Variants in RALYL observed in about 807,000 individuals in gnomAD.
RALYL encodes RALY RNA binding protein like.
A neutral mutation model predicts 35.1 loss-of-function variants in RALYL; 29 were observed. The observed-to-expected ratio is 0.83, with a 90% confidence interval of 0.61 to 1.13. RALYL has a LOEUF of 1.13. Ranked by LOEUF, RALYL falls within the 50% of genes most tolerant of loss-of-function variation. The pLI, the probability that RALYL is intolerant of heterozygous loss-of-function variation, is 0.00. For missense variants in RALYL, 359 were observed against 360.4 expected (o/e 1.00, Z 0.03); for synonymous variants, 120 against 127.6 (o/e 0.94, Z 0.40).
At chr8:84,890,785 T>A (rs755482797) in intron 8 of RALYL, among the ~76,000 whole-genome samples, 13 of 140,240 alleles carry the variant, frequency 9.3e-5, no homozygotes, top group Non-Finnish European at 1.7e-4. Flanking sequence ...CAAAGTTGCA[T>A]TTTTGTCAGA....
intron 4 of RALYL, among the ~76,000 whole-genome samples, chr8:84,832,761 A>G (rs987923592): frequency 9.9e-5 from 15 of 152,178 alleles, no homozygotes; most frequent in Non-Finnish European, 1.8e-4. Flanking sequence ...CCTCTTCTCT[A>G]AAAAGAATCC....
At chr8:84,367,739 A>G (rs994571758) in intron 1 of RALYL, among the ~76,000 whole-genome samples, 1 of 152,072 alleles carries the variant, frequency 6.6e-6, no homozygotes, top group African/African-American at 2.4e-5. Flanking sequence ...CTTTCATCCC[A>G]GACCACTTGA....
intron 1 of RALYL, among the ~76,000 whole-genome samples, chr8:84,323,702 T>C (rs16912686): frequency 0.02 from 3,095 of 152,210 alleles, 116 homozygotes; most frequent in African/African-American, 0.07. Context: ...AAGAAAATTA[T>C]GGATATCCTA....
At chr8:84,752,792 G>A (rs1293467721) in intron 2 of RALYL, among the ~76,000 whole-genome samples, 3 of 152,194 alleles carry the variant, frequency 2.0e-5, no homozygotes, top group African/African-American at 7.2e-5. Context: ...GAATATAAAA[G>A]TTGAAACTTG....
At chr8:84,263,910 C>T (rs886593889) in intron 1 of RALYL, among the ~76,000 whole-genome samples, 1 of 152,100 alleles carries the variant, frequency 6.6e-6, no homozygotes, top group African/African-American at 2.4e-5. Flanking sequence ...TAATGGCTTC[C>T]AGCTTCATCC....
chr8:84,590,215 T>C (rs1052132995), intron 2 of RALYL, among the ~76,000 whole-genome samples: 1 of 152,202 alleles, frequency 6.6e-6, no homozygotes, highest in Non-Finnish European at 1.5e-5. Flanking sequence ...ACCCCGCCCA[T>C]GCCAGGCTTT....
chr8:84,532,896 G>C (rs981827312), intron 2 of RALYL, among the ~76,000 whole-genome samples: 3 of 151,888 alleles, frequency 2.0e-5, no homozygotes, highest in African/African-American at 7.3e-5. Context: ...CAGTTGTTTG[G>C]CACGTCTTTC....
intron 1 of RALYL, among the ~76,000 whole-genome samples, chr8:84,304,747 T>A (rs1586112415): frequency 6.6e-6 from 1 of 152,160 alleles, no homozygotes; most frequent in Non-Finnish European, 1.5e-5. Context: ...TTCTTAATAT[T>A]AAAGTTGACC....
intron 1 of RALYL, among the ~76,000 whole-genome samples, chr8:84,309,456 A>C (rs1159265440): frequency 6.6e-6 from 1 of 151,946 alleles, no homozygotes; most frequent in Non-Finnish European, 1.5e-5. Context: ...TTTGATATTA[A>C]AAGATAAAAA....
chr8:84,819,161 C>A (rs996100103), intron 4 of RALYL, among the ~76,000 whole-genome samples: 1 of 151,962 alleles, frequency 6.6e-6, no homozygotes, highest in Non-Finnish European at 1.5e-5. Context: ...ACAGTGCTAC[C>A]ACAAAATTAA....
At chr8:84,781,112 C>T (rs1818047604) in intron 3 of RALYL, among the ~76,000 whole-genome samples, 1 of 152,178 alleles carries the variant, frequency 6.6e-6, no homozygotes, top group Non-Finnish European at 1.5e-5. Context: ...ATCTGCCCGC[C>T]TCAGCCTCCC....
intron 8 of RALYL, among the ~76,000 whole-genome samples, chr8:84,914,188 A>C (rs1334148379): frequency 2.0e-5 from 3 of 152,016 alleles, no homozygotes; most frequent in Non-Finnish European, 4.4e-5. Flanking sequence ...GAACTGTGGA[A>C]AGCAGTCAAA....
intron 1 of RALYL, among the ~76,000 whole-genome samples, chr8:84,345,338 A>G (rs1275584113): frequency 2.6e-5 from 4 of 151,998 alleles, no homozygotes; most frequent in Non-Finnish European, 5.9e-5. Flanking sequence ...GTATCTGCCA[A>G]CTTTTCATTA....
intron 8 of RALYL, among the ~76,000 whole-genome samples, chr8:84,898,972 T>G (rs1294835696): frequency 6.6e-6 from 1 of 152,150 alleles, no homozygotes; most frequent in Non-Finnish European, 1.5e-5. Context: ...GGGTGTTCTT[T>G]TTTCTTTGTG....
chr8:84,660,654 T>C (rs1371062540), intron 2 of RALYL, among the ~76,000 whole-genome samples: 1 of 151,914 alleles, frequency 6.6e-6, no homozygotes, highest in Non-Finnish European at 1.5e-5. Context: ...GTTTTAAGGT[T>C]TTCAACTTAA....
chr8:84,722,915 C>G (rs936880312), intron 2 of RALYL, among the ~76,000 whole-genome samples: 1 of 151,514 alleles, frequency 6.6e-6, no homozygotes, highest in Non-Finnish European at 1.5e-5. Flanking sequence ...GTTCACTTCA[C>G]TTACTTTTTG....
At position 84,668,295 on chromosome 8, in the gene RALYL, A is replaced by G. The variant is rs531479712; in HGVS notation, c.257-106284A>G. Among the ~76,000 whole-genome samples, 246 of 152,296 alleles carry G rather than the reference A, an allele frequency of 1.6e-3. 2 individuals are homozygous for G. The highest frequency in any genetic ancestry group is 5.7e-3 in the African/African-American group (236 of 41,578). ...ATGAATGCTATTGTTGGAGCCCAGA[A>G]CAAGAAAGTAATAAATTCTGCCTGA... On this transcript the variant is annotated intron_variant, in intron 2 of 8. Transcript: ENST00000521268.
chr8:84,489,988 T>A (rs1353980795), intron 1 of RALYL, among the ~76,000 whole-genome samples: 1 of 151,780 alleles, frequency 6.6e-6, no homozygotes, highest in Non-Finnish European at 1.5e-5. Context: ...AGATAAAGAA[T>A]GAAGTTGAAT....
At chr8:84,307,177 C>A (rs1003588214) in intron 1 of RALYL, among the ~76,000 whole-genome samples, 2 of 152,114 alleles carry the variant, frequency 1.3e-5, no homozygotes, top group African/African-American at 4.8e-5. Context: ...AGAAGAGAAA[C>A]CCCATTCAGA....
Sources: allele counts gnomAD v4.1 joint callset (sites outside exome capture counted in the v4.1 genomes callset), GRCh38; gene constraint gnomAD v4.1.1; transcripts MANE v1.5; gene names NCBI Gene and HGNC (gene_info 2026-07-23, HGNC 2026-07-21).